CNTNAP2: variants seen among roughly 807,000 people sequenced by gnomAD.
CNTNAP2 encodes the protein contactin associated protein 2, also known as contactin-associated protein-like 2.
Under a neutral mutation model 155.2 loss-of-function variants are expected in CNTNAP2, and 98 were observed. That is an observed-to-expected ratio of 0.63 (90% CI 0.54 to 0.75). The LOEUF (loss-of-function observed/expected upper bound fraction) is 0.75, where lower values mean the gene tolerates loss of function less well. Among genes scored for constraint, CNTNAP2 ranks in the 30% least tolerant of loss-of-function variants. The pLI, the probability that CNTNAP2 is intolerant of heterozygous loss-of-function variation, is 0.00. For synonymous variants in CNTNAP2, 651 were observed against 631.2 expected, an observed-to-expected ratio of 1.03 and a Z score of -0.47; for missense variants, 1,727 against 1,688.1, an observed-to-expected ratio of 1.02 and a Z score of -0.40.
At chr7:146,367,920 G>A (rs1168168509) in intron 1 of CNTNAP2, among the ~76,000 whole-genome samples, 4 of 152,024 alleles carry the variant, frequency 2.6e-5, no homozygotes, top group Admixed American at 1.3e-4. Context: ...AGCAGAGTGA[G>A]GACTCCCTGG....
chr7:147,797,490 C>A (rs1462307876), intron 13 of CNTNAP2, among the ~76,000 whole-genome samples: 2 of 152,112 alleles, frequency 1.3e-5, no homozygotes, highest in Admixed American at 1.3e-4. Context: ...TGTTTGATAA[C>A]AACCATCCTC....
intron 12 of CNTNAP2, among the ~76,000 whole-genome samples, chr7:147,584,486 T>C (rs1800579120): frequency 6.6e-6 from 1 of 152,218 alleles, no homozygotes; most frequent in South Asian, 2.1e-4. Context: ...AGTAATATTT[T>C]CAAATTCTGT....
chr7:146,932,300 G>A (rs537860772), intron 3 of CNTNAP2, among the ~76,000 whole-genome samples: 1 of 151,928 alleles, frequency 6.6e-6, no homozygotes, highest in African/African-American at 2.4e-5. Context: ...ATCAATAAAT[G>A]TAATCCAGCA....
intron 8 of CNTNAP2, among the ~76,000 whole-genome samples, chr7:147,297,441 A>C (rs1338460158): frequency 1.3e-5 from 2 of 152,206 alleles, no homozygotes. Context: ...ATGAGAAACT[A>C]TAAGGAAAAA....
At chr7:147,245,527 A>G (rs918130901) in intron 8 of CNTNAP2, among the ~76,000 whole-genome samples, 2 of 151,976 alleles carry the variant, frequency 1.3e-5, no homozygotes, top group Non-Finnish European at 2.9e-5. Flanking sequence ...ATTGATCTAG[A>G]TCTCAAATAA....
chr7:147,942,929 C>T (rs10229672), intron 14 of CNTNAP2, among the ~76,000 whole-genome samples: 1,838 of 151,770 alleles, frequency 0.012, 43 homozygotes, highest in African/African-American at 0.042. Context: ...CCCAGCTACT[C>T]GGGAGGCTGA....
At chr7:146,546,789 T>C (rs1397937355) in intron 1 of CNTNAP2, among the ~76,000 whole-genome samples, 2 of 151,800 alleles carry the variant, frequency 1.3e-5, no homozygotes, top group African/African-American at 4.8e-5. Context: ...AAGTCTCTTA[T>C]AAAACCATCA....
chr7:147,422,225 T>C (rs1254276908), intron 10 of CNTNAP2, among the ~76,000 whole-genome samples: 2 of 148,742 alleles, frequency 1.3e-5, no homozygotes, highest in Admixed American at 6.8e-5. Flanking sequence ...ATATACTGTA[T>C]ATATAGTGTG....
chr7:147,949,070 G>C (rs1369597209), intron 14 of CNTNAP2, among the ~76,000 whole-genome samples: 1 of 151,616 alleles, frequency 6.6e-6, no homozygotes, highest in Non-Finnish European at 1.5e-5. Flanking sequence ...GTGTGGTGGT[G>C]GATGCCTGTA....
intron 1 of CNTNAP2, among the ~76,000 whole-genome samples, chr7:146,470,230 A>G (rs1397560703): frequency 6.6e-6 from 1 of 152,134 alleles, no homozygotes; most frequent in Non-Finnish European, 1.5e-5. Flanking sequence ...TATTTTGCAT[A>G]TTTTTGAAAT....
At chr7:147,106,595 TTATAA>T (rs1326652663) in intron 4 of CNTNAP2, among the ~76,000 whole-genome samples, 1 of 152,156 alleles carries the variant, frequency 6.6e-6, no homozygotes, top group Admixed American at 6.6e-5. Context: ...TCTGAATGTT[TTATAA>T]TATAACATTG....
At chr7:147,183,206 A>C (rs1379120120) in intron 8 of CNTNAP2, among the ~76,000 whole-genome samples, 2 of 152,196 alleles carry the variant, frequency 1.3e-5, no homozygotes, top group African/African-American at 4.8e-5. Context: ...AATACAAAAA[A>C]ATCATTAAAA....
chr7:147,920,440 A>T (rs1309112707), intron 14 of CNTNAP2, among the ~76,000 whole-genome samples: 1 of 150,984 alleles, frequency 6.6e-6, no homozygotes, highest in Non-Finnish European at 1.5e-5. Context: ...TCACTTGCTG[A>T]TGCTGAGAGC....
intron 1 of CNTNAP2, among the ~76,000 whole-genome samples, chr7:146,540,145 G>T (rs758011491): frequency 3.3e-5 from 5 of 152,056 alleles, no homozygotes; most frequent in African/African-American, 7.2e-5. Flanking sequence ...CATGAGCAAG[G>T]TCTTAATCTT....
chr7:147,960,103 C>T (rs1302013701), intron 14 of CNTNAP2, among the ~76,000 whole-genome samples: 1 of 152,134 alleles, frequency 6.6e-6, no homozygotes, highest in African/African-American at 2.4e-5. Flanking sequence ...CTGCCATTCC[C>T]ACAGCAAGCC....
chr7:146,860,340 G>A (rs1795073780), intron 3 of CNTNAP2, among the ~76,000 whole-genome samples: 1 of 152,104 alleles, frequency 6.6e-6, no homozygotes, highest in Admixed American at 6.5e-5. Flanking sequence ...ATCTTTTATA[G>A]GCCAGGCAAA....
At position 146,991,793 on chromosome 7, in the gene CNTNAP2, A is replaced by G. The variant is rs774005683; in HGVS notation, c.403-52114A>G. ...AAACTCAACACGATCATTTTTTGAA[A>G]TCTTCCGTGTTGTTATGGTGATTTG... On this transcript the variant is annotated intron_variant, in intron 3 of 23. Transcript: ENST00000361727. Among the ~76,000 whole-genome samples the G allele has an allele frequency of 3.9e-4, 60 of 152,170 alleles. 1 individual carries two copies. Among genetic ancestry groups the G allele is most frequent in the Admixed American group, 6.5e-4 (10 of 15,270 alleles).
intron 1 of CNTNAP2, among the ~76,000 whole-genome samples, chr7:146,500,363 C>T (rs947723371): frequency 8.6e-5 from 13 of 152,010 alleles, no homozygotes; most frequent in Non-Finnish European, 1.3e-4. Flanking sequence ...AAACCATCTG[C>T]CTGATAGACT....
chr7:147,810,655 C>T (rs1798164714), intron 13 of CNTNAP2, among the ~76,000 whole-genome samples: 1 of 152,160 alleles, frequency 6.6e-6, no homozygotes, highest in African/African-American at 2.4e-5. Flanking sequence ...AGTCTTTTCA[C>T]ATTAGAATAA....
Sources: allele counts gnomAD v4.1 joint callset (sites outside exome capture counted in the v4.1 genomes callset), GRCh38; gene constraint gnomAD v4.1.1; transcripts MANE v1.5; gene names NCBI Gene and HGNC (gene_info 2026-07-23, HGNC 2026-07-21).